The following CCDC150 variants were observed in gnomAD, a reference collection of about 807,000 sequenced individuals.
The protein encoded by CCDC150 is coiled-coil domain containing 150.
In CCDC150, 151 loss-of-function variants were observed where a neutral mutation model predicts 156.5. That is an observed-to-expected ratio of 0.97 (90% CI 0.85 to 1.10). CCDC150 has a LOEUF of 1.10. Among genes scored for constraint, CCDC150 ranks in the 50% least tolerant of loss-of-function variants. The pLI is 0.00. For missense variants in CCDC150, 1,312 were observed against 1,268.1 expected, an observed-to-expected ratio of 1.03 and a Z score of -0.53; for synonymous variants, 452 against 429.4, an observed-to-expected ratio of 1.05 and a Z score of -0.65.
chr2:196,692,226 C>T (rs568857345), intron 13 of CCDC150, among the ~76,000 whole-genome samples: 1 of 150,146 alleles, frequency 6.7e-6, no homozygotes, highest in East Asian at 2.0e-4. Context: ...GCTCCGCTTC[C>T]CGGGTTCACG....
intron 13 of CCDC150, among the ~76,000 whole-genome samples, chr2:196,683,584 G>C (rs1304484947): frequency 6.6e-6 from 1 of 152,006 alleles, no homozygotes; most frequent in African/African-American, 2.4e-5. Flanking sequence ...AGGGATTGGG[G>C]TTAATTCTTC....
intron 15 of CCDC150, among the ~76,000 whole-genome samples, chr2:196,705,645 G>A (rs1017839171): frequency 2.0e-5 from 3 of 152,156 alleles, no homozygotes; most frequent in Non-Finnish European, 4.4e-5. Flanking sequence ...GTCCTGAATG[G>A]TATTGCTTAG....
intron 20 of CCDC150, 48 bp from the exon 21 acceptor site, chr2:196,721,474 T>C: frequency 4.9e-6 from 7 of 1,433,910 alleles, no homozygotes; most frequent in Non-Finnish European, 6.6e-6. Flanking sequence ...ATGGACTTCT[T>C]GCATCTGTCC....
rs1465239686 is a variant in CCDC150 at position 196,701,190 on chromosome 2, T to A, written c.1695+10T>A. ...AAACGGAAAACTCCAGGTATGAGAT[T>A]TATTTTCTGATTTTTCTTGTTTGAA... On this transcript the variant is annotated intron_variant, in intron 15 of 27. Coordinates refer to ENST00000389175, the MANE Select transcript of CCDC150 (RefSeq NM_001080539.2). The A allele has an allele frequency of 1.3e-6, 2 of 1,546,290 alleles. No individual in the cohort carries two copies. The highest frequency in any genetic ancestry group is 2.8e-5 in the African/African-American group (2 of 72,542).
intron 14 of CCDC150, among the ~76,000 whole-genome samples, chr2:196,697,364 ACC>A (rs1241951472): frequency 6.6e-6 from 1 of 152,072 alleles, no homozygotes; most frequent in Non-Finnish European, 1.5e-5. Context: ...TAATTCCATT[ACC>A]ACTGGCAGTC....
At chr2:196,675,532 A>T (rs934862231) in intron 10 of CCDC150, among the ~76,000 whole-genome samples, 7 of 152,206 alleles carry the variant, frequency 4.6e-5, no homozygotes, top group African/African-American at 1.7e-4. Context: ...TTTATGGATT[A>T]TGTGTAGGGG....
At chr2:196,679,411 T>A (rs1694689329) in intron 13 of CCDC150, among the ~76,000 whole-genome samples, 1 of 152,228 alleles carries the variant, frequency 6.6e-6, no homozygotes, top group Non-Finnish European at 1.5e-5. Context: ...AATAGAATCA[T>A]ACAGTATGTA....
Position 196,701,159 on chromosome 2 carries a change from C to A in CCDC150, c.1674C>A (p.Ala558=). 1 of 1,606,732 alleles carries A rather than the reference C, an allele frequency of 6.2e-7. No individual in the cohort carries two copies. The highest frequency in any genetic ancestry group is 1.1e-5 in the South Asian group (1 of 88,914). ...EKITESKNKL[A]YENGKLQIKV... ...TCACTGAAAGTAAAAATAAACTGGC[C>A]TATGAAAACGGAAAACTCCAGGTAT... Residue 558 remains alanine (A), a synonymous_variant, in exon 15 of 28, where the codon GCC becomes GCA. Coordinates refer to ENST00000389175, the MANE Select transcript of CCDC150 (RefSeq NM_001080539.2).
At chr2:196,710,018 G>T (rs897974445) in intron 15 of CCDC150, among the ~76,000 whole-genome samples, 1 of 152,244 alleles carries the variant, frequency 6.6e-6, no homozygotes, top group Admixed American at 6.5e-5. Flanking sequence ...CAAACACTGT[G>T]CTGCGAGAAC....
At chr2:196,647,805 A>G (rs1017523005) in intron 2 of CCDC150, among the ~76,000 whole-genome samples, 2 of 152,156 alleles carry the variant, frequency 1.3e-5, no homozygotes, top group African/African-American at 4.8e-5. Context: ...ACAATACGTT[A>G]TTATTAATTA....
chr2:196,686,232 T>C lies in CCDC150; in HGVS notation c.1510-8814T>C, dbSNP rs1695118571. The C allele has an allele frequency of 4.6e-5, 13 of 285,094 alleles. No homozygotes were observed. In the South Asian group the frequency reaches 5.4e-4, roughly 12 times the overall value. 17.7% of individuals were successfully genotyped at this position (285,094 alleles called of 1,614,324 possible). On this transcript the variant is annotated intron_variant, in intron 13 of 27. Transcript: ENST00000389175. ...AAATTCAAAACCCAGGAAAGACTTC[T>C]CCTGGGAATTTACTTTATGTCAGGC...
At chr2:196,667,706 A>G (rs975282575) in intron 7 of CCDC150, 1 of 152,208 alleles carries the variant, frequency 6.6e-6, no homozygotes, top group Admixed American at 6.5e-5. Context: ...TCTGTGCTCT[A>G]TGGCTGCTGT....
intron 10 of CCDC150, among the ~76,000 whole-genome samples, chr2:196,674,674 G>A (rs1224013997): frequency 6.6e-6 from 1 of 151,994 alleles, no homozygotes; most frequent in Admixed American, 6.6e-5. Flanking sequence ...TTCTCCTTTT[G>A]CTTATGCCAT....
intron 12 of CCDC150, 45 bp downstream of exon 12, chr2:196,676,776 G>C (rs1246174791): frequency 6.6e-7 from 1 of 1,504,382 alleles, no homozygotes. Context: ...GTGGTGTGAT[G>C]ATGTTTTAAA....
chr2:196,708,355 C>T (rs1696834390), intron 15 of CCDC150, among the ~76,000 whole-genome samples: 1 of 152,060 alleles, frequency 6.6e-6, no homozygotes, highest in African/African-American at 2.4e-5. Flanking sequence ...TTTCCATTTG[C>T]TTGGTAGATC....
chr2:196,695,610 G>A (rs1484453620), intron 14 of CCDC150, among the ~76,000 whole-genome samples: 4 of 152,082 alleles, frequency 2.6e-5, no homozygotes, highest in Non-Finnish European at 4.4e-5. Flanking sequence ...TTGGGAGGCC[G>A]AGGCAGGTGG....
intron 17 of CCDC150, chr2:196,713,655 A>G (rs2125694264): frequency 7.1e-7 from 1 of 1,416,292 alleles, no homozygotes. Flanking sequence ...ATAAATGATG[A>G]ATCACCAAAT....
At position 196,657,179 on chromosome 2, in the gene CCDC150, G is replaced by A. The variant is rs768628301; in HGVS notation, c.576+43G>A. 1.9e-6 allele frequency: 3 copies of A among 1,586,808 alleles called. No homozygotes were observed. The African/African-American group carries it at 4.0e-5, about 21-fold the overall frequency. ...CTGAAGTATAAACACACTGTTATGT[G>A]TTAGCTGGAGGAGGTAACAGACCTA... On this transcript the variant is annotated intron_variant, in intron 4 of 27. Coordinates refer to ENST00000389175, the MANE Select transcript of CCDC150 (RefSeq NM_001080539.2).
At chr2:196,663,630 T>C (rs1400996722) in intron 5 of CCDC150, among the ~76,000 whole-genome samples, 2 of 152,028 alleles carry the variant, frequency 1.3e-5, no homozygotes, top group Admixed American at 1.3e-4. Flanking sequence ...TAGTGAAAAA[T>C]TGGAAAAACC....
Sources: allele counts gnomAD v4.1 joint callset (sites outside exome capture counted in the v4.1 genomes callset), GRCh38; gene constraint gnomAD v4.1.1; transcripts MANE v1.5; gene names NCBI Gene and HGNC (gene_info 2026-07-23, HGNC 2026-07-21).